The following LIMCH1 variants were observed in gnomAD, a reference collection of about 807,000 sequenced individuals.
LIMCH1 encodes LIM and calponin homology domains-containing protein 1.
LIMCH1 carries 113 observed loss-of-function variants against 176.5 expected under a neutral mutation model. That is an observed-to-expected ratio of 0.64 (90% confidence interval 0.55 to 0.75). The LOEUF is 0.75. LIMCH1 is among the 30% of genes least tolerant of loss of function. LIMCH1 has a pLI of 0.00. For synonymous variants in LIMCH1, 619 were observed against 645.9 expected, an observed-to-expected ratio of 0.96 and a Z score of 0.63; for missense variants, 1,674 against 1,814.9, an observed-to-expected ratio of 0.92 and a Z score of 1.41.
intron 1 of LIMCH1, among the ~76,000 whole-genome samples, chr4:41,544,695 C>T (rs1290244715): frequency 2.0e-5 from 3 of 152,148 alleles, no homozygotes; most frequent in Non-Finnish European, 2.9e-5. Flanking sequence ...GGAGCTGCAA[C>T]ATCAAAGCCT....
At chr4:41,588,852 C>A (rs962826051) in intron 1 of LIMCH1, among the ~76,000 whole-genome samples, 2 of 152,162 alleles carry the variant, frequency 1.3e-5, no homozygotes, top group Non-Finnish European at 2.9e-5. Flanking sequence ...TCTCCCAAAC[C>A]AACTTAGCAA....
intron 1 of LIMCH1, among the ~76,000 whole-genome samples, chr4:41,464,626 A>C (rs2065860488): frequency 6.6e-6 from 1 of 151,872 alleles, no homozygotes; most frequent in South Asian, 2.1e-4. Context: ...TGCCCCCCTC[A>C]GCCTCCCAAA....
chr4:41,680,453 A>T (rs919166115), intron 24 of LIMCH1, among the ~76,000 whole-genome samples: 1 of 152,192 alleles, frequency 6.6e-6, no homozygotes, highest in Non-Finnish European at 1.5e-5. Flanking sequence ...AATTAATTTT[A>T]TGAGGATAAT....
intron 1 of LIMCH1, among the ~76,000 whole-genome samples, chr4:41,475,221 A>G (rs2067552177): frequency 6.6e-6 from 1 of 152,254 alleles, no homozygotes; most frequent in Non-Finnish European, 1.5e-5. Context: ...GTTTATAAAT[A>G]AGAGTATATG....
chr4:41,425,836 C>T (rs898192607), intron 1 of LIMCH1, among the ~76,000 whole-genome samples: 19 of 152,112 alleles, frequency 1.2e-4, no homozygotes, highest in African/African-American at 4.3e-4. Context: ...TGGGATTCTG[C>T]CCACATATGC....
intron 1 of LIMCH1, 104 bp from the exon 2 acceptor site, chr4:41,598,816 C>A: frequency 1.6e-6 from 1 of 621,408 alleles, no homozygotes; most frequent in Non-Finnish European, 2.9e-6. Flanking sequence ...TAGACCTGAC[C>A]ATAGCTGCCT....
Position 41,664,311 on chromosome 4 carries a change from C to T in LIMCH1, c.3291+1327C>T, listed in dbSNP as rs185395774. ...TCAACCAGTATTGGCTGTGCACCTA[C>T]TATGTCATGCCTGGCCCTGTGCTAG... On this transcript the variant is annotated intron_variant, in intron 20 of 31. Transcript: ENST00000503057. Among the ~76,000 whole-genome samples the T allele has an allele frequency of 2.8e-3, 431 of 152,316 alleles. 2 individuals carry two copies. Among genetic ancestry groups the T allele is most frequent in the Non-Finnish European group, 3.5e-3 (240 of 68,028 alleles).
chr4:41,656,087 T>C (rs554300587), intron 18 of LIMCH1, among the ~76,000 whole-genome samples: 1 of 152,228 alleles, frequency 6.6e-6, no homozygotes, highest in Non-Finnish European at 1.5e-5. Flanking sequence ...GTATCTAAAC[T>C]ACTTCATCTG....
chr4:41,599,589 A>G (rs1262959419), intron 2 of LIMCH1, among the ~76,000 whole-genome samples: 1 of 152,234 alleles, frequency 6.6e-6, no homozygotes, highest in Non-Finnish European at 1.5e-5. Flanking sequence ...AATAAAAGAG[A>G]CAGCAGTGTA....
At chr4:41,659,751 C>CA (rs1224269143) in intron 18 of LIMCH1, among the ~76,000 whole-genome samples, 3 of 151,950 alleles carry the variant, frequency 2.0e-5, no homozygotes, top group Non-Finnish European at 2.9e-5. Context: ...AAACTTCTAC[C>CA]AAAAAATGCA....
intron 1 of LIMCH1, among the ~76,000 whole-genome samples, chr4:41,547,332 C>T (rs1056495609): frequency 6.6e-6 from 1 of 152,124 alleles, no homozygotes; most frequent in East Asian, 1.9e-4. Context: ...CCTCCTTAGC[C>T]TCCGGTAACC....
At chr4:41,661,813 T>A (rs775367624) in intron 19 of LIMCH1, 21 of 396,218 alleles carry the variant, frequency 5.3e-5, no homozygotes, top group African/African-American at 1.0e-4. Context: ...TGCTAAAAAT[T>A]GAGGGTAGGA....
intron 7 of LIMCH1, among the ~76,000 whole-genome samples, chr4:41,621,710 C>G (rs1208863621): frequency 6.6e-6 from 1 of 151,958 alleles, no homozygotes; most frequent in Non-Finnish European, 1.5e-5. Context: ...CCAGGTTGGC[C>G]AGGCTAGTCT....
intron 7 of LIMCH1, among the ~76,000 whole-genome samples, chr4:41,621,973 G>T: frequency 6.6e-6 from 1 of 150,470 alleles, no homozygotes; most frequent in African/African-American, 2.4e-5. Flanking sequence ...GAGTACCTTT[G>T]TATTAAAAAA....
At chr4:41,522,262 A>G (rs1433517488) in intron 2 of LIMCH1, among the ~76,000 whole-genome samples, 1 of 152,196 alleles carries the variant, frequency 6.6e-6, no homozygotes, top group Admixed American at 6.5e-5. Context: ...GGGGTCTCCA[A>G]GGTAAATTGT....
rs760282270 is a variant in LIMCH1, at chr4:41,650,508, G to C, written c.2936G>C (p.Gly979Ala). 3.1e-6 allele frequency: 5 copies of C among 1,614,128 alleles called. No homozygotes were observed. Among genetic ancestry groups the C allele is most frequent in the South Asian group, 2.2e-5 (2 of 91,080 alleles). Residue 979 changes from glycine to alanine, a missense_variant, in exon 18 of 32, where the codon GGT becomes GCT. By Grantham distance (60) the Gly-to-Ala change is moderately conservative. Transcript: ENST00000503057. ...HSLTKSQMFEGVARVHGSPLE... is the reference protein window; with the variant it reads ...HSLTKSQMFEAVARVHGSPLE... ...TTAACCAAATCCCAGATGTTTGAAGGTGTGGCCAGAGTGCACGGGTCTCCA... is the reference window on the plus strand; with the variant it reads ...TTAACCAAATCCCAGATGTTTGAAGCTGTGGCCAGAGTGCACGGGTCTCCA...
chr4:41,576,648 C>T (rs1326131001), intron 1 of LIMCH1, among the ~76,000 whole-genome samples: 1 of 152,104 alleles, frequency 6.6e-6, no homozygotes. Flanking sequence ...TTGTTTATGT[C>T]TGTTCTGCAG....
chr4:41,652,278 T>C (rs982612688), intron 18 of LIMCH1, among the ~76,000 whole-genome samples: 2 of 152,112 alleles, frequency 1.3e-5, no homozygotes, highest in Admixed American at 1.3e-4. Flanking sequence ...TGAGAAGATA[T>C]AATTCTTCCA....
intron 1 of LIMCH1, among the ~76,000 whole-genome samples, chr4:41,382,715 A>G (rs769157302): frequency 6.6e-6 from 1 of 152,176 alleles, no homozygotes; most frequent in Non-Finnish European, 1.5e-5. Flanking sequence ...CTACTCAACC[A>G]TCAATACTCA....
Sources: gnomAD v4.1 joint callset for allele counts (sites outside exome capture counted in the v4.1 genomes callset) on GRCh38, gnomAD v4.1.1 for gene constraint, MANE v1.5 for transcripts, NCBI Gene and HGNC (gene_info 2026-07-23, HGNC 2026-07-21) for gene names.